The following VGLL4 variants were observed in gnomAD, a reference collection of about 807,000 sequenced individuals.
The protein encoded by VGLL4 is vestigial like family member 4, also known as transcription cofactor vestigial-like protein 4.
In VGLL4, 7 loss-of-function variants were observed where a neutral mutation model predicts 21.0. The observed-to-expected ratio is 0.33, with a 90% CI of 0.19 to 0.63. VGLL4 has a LOEUF of 0.63. VGLL4 is among the 20% of genes least tolerant of loss of function. The probability of loss-of-function intolerance (pLI) is 0.78; values close to 1 mark genes in which losing one functional copy is unlikely to be tolerated. For missense variants in VGLL4, 394 were observed against 425.7 expected, an observed-to-expected ratio of 0.93 and a Z score of 0.66; for synonymous variants, 222 against 173.2, an observed-to-expected ratio of 1.28 and a Z score of -2.21.
At chr3:11,709,735 A>G (rs1450483427) in intron 1 of VGLL4, among the ~76,000 whole-genome samples, 21 of 152,170 alleles carry the variant, frequency 1.4e-4, no homozygotes, top group Admixed American at 1.4e-3. Context: ...TAAAGCTACA[A>G]AAACTTAGGG....
intron 1 of VGLL4, among the ~76,000 whole-genome samples, chr3:11,602,433 T>C (rs2074828723): frequency 6.6e-6 from 1 of 152,146 alleles, no homozygotes; most frequent in Non-Finnish European, 1.5e-5. Flanking sequence ...CAACTCACTT[T>C]TCCTGCTTGT....
chr3:11,607,434 A>G (rs1031353505), intron 1 of VGLL4: 16 of 152,052 alleles, frequency 1.1e-4, no homozygotes, highest in African/African-American at 3.9e-4. Context: ...AGAAGGGGGA[A>G]TGGGAGGTGA....
intron 1 of VGLL4, among the ~76,000 whole-genome samples, chr3:11,629,107 A>G (rs765084630): frequency 2.6e-5 from 4 of 152,244 alleles, no homozygotes; most frequent in Non-Finnish European, 5.9e-5. Context: ...CAATTTTCAC[A>G]ATACTGAATG....
chr3:11,560,350 AC>A (rs1252940700), intron 3 of VGLL4, among the ~76,000 whole-genome samples: 1 of 152,070 alleles, frequency 6.6e-6, no homozygotes, highest in East Asian at 1.9e-4. Flanking sequence ...ATCTTCCAAT[AC>A]CCCCGAGGAC....
intron 2 of VGLL4, among the ~76,000 whole-genome samples, chr3:11,660,215 G>A (rs1345863242): frequency 1.3e-5 from 2 of 152,136 alleles, no homozygotes; most frequent in African/African-American, 2.4e-5. Flanking sequence ...CTAGAAGCAG[G>A]TTCTGATCTT....
intron 2 of VGLL4, among the ~76,000 whole-genome samples, chr3:11,656,853 A>G: frequency 6.6e-6 from 1 of 152,156 alleles, no homozygotes; most frequent in East Asian, 1.9e-4. Flanking sequence ...AGCAACAACG[A>G]AGCACGGCCC....
chr3:11,629,797 G>T (rs1341537213), intron 1 of VGLL4, among the ~76,000 whole-genome samples: 1 of 149,762 alleles, frequency 6.7e-6, no homozygotes, highest in Non-Finnish European at 1.5e-5. Context: ...GGAGTAGAAA[G>T]GGCATTCCAA....
chr3:11,708,585 G>A (rs1400369688), intron 1 of VGLL4, among the ~76,000 whole-genome samples: 5 of 152,012 alleles, frequency 3.3e-5, no homozygotes, highest in African/African-American at 1.2e-4. Context: ...GAAAAGTCCT[G>A]GAATGGCCCG....
intron 2 of VGLL4, among the ~76,000 whole-genome samples, chr3:11,702,162 G>A (rs1034780563): frequency 1.3e-5 from 2 of 151,738 alleles, no homozygotes; most frequent in Non-Finnish European, 2.9e-5. Flanking sequence ...CCCATCTCTA[G>A]CTCTCTGCTG....
upstream of VGLL4, among the ~76,000 whole-genome samples, chr3:11,644,719 G>A (rs1224037006): frequency 4.6e-5 from 7 of 151,750 alleles, no homozygotes; most frequent in African/African-American, 9.7e-5. Context: ...GGTAGCGCAC[G>A]CCTGTAGTCC....
At chr3:11,621,060 T>TGA (rs1169724576) in intron 1 of VGLL4, among the ~76,000 whole-genome samples, 1 of 152,218 alleles carries the variant, frequency 6.6e-6, no homozygotes. Flanking sequence ...GCTAATACTT[T>TGA]GCACAATATT....
At chr3:11,643,413 G>A (rs983904668) in intron 1 of VGLL4, 24 bp downstream of exon 1, 6 of 1,613,994 alleles carry the variant, frequency 3.7e-6, no homozygotes, top group Non-Finnish European at 5.1e-6. Flanking sequence ...GCAACGGGCA[G>A]TAATTCTACA....
chr3:11,672,975 G>A (rs1341981540), intron 2 of VGLL4, among the ~76,000 whole-genome samples: 1 of 152,120 alleles, frequency 6.6e-6, no homozygotes, highest in Admixed American at 6.6e-5. Context: ...CAGACTTCAG[G>A]GAGCTCTAGA....
At chr3:11,673,188 A>C (rs2125370473) in intron 2 of VGLL4, among the ~76,000 whole-genome samples, 1 of 152,334 alleles carries the variant, frequency 6.6e-6, no homozygotes, top group Admixed American at 6.5e-5. Context: ...GAAGATAGAG[A>C]CCAAGTTAAA....
intron 2 of VGLL4, among the ~76,000 whole-genome samples, chr3:11,590,025 G>A (rs1575423131): frequency 6.6e-6 from 1 of 152,316 alleles, no homozygotes; most frequent in African/African-American, 2.4e-5. Context: ...GTGTTTCTGC[G>A]CATAAGACTT....
chr3:11,665,335 G>C (rs2076104666), intron 2 of VGLL4, among the ~76,000 whole-genome samples: 1 of 151,850 alleles, frequency 6.6e-6, no homozygotes, highest in Non-Finnish European at 1.5e-5. Flanking sequence ...GGATGGTCTC[G>C]ATCTCCTGAC....
chr3:11,672,808 G>C (rs907113729), intron 2 of VGLL4, among the ~76,000 whole-genome samples: 16 of 152,196 alleles, frequency 1.1e-4, no homozygotes, highest in African/African-American at 3.9e-4. Context: ...ACAGAAGGCA[G>C]AGACAGCCAA....
intron 2 of VGLL4, among the ~76,000 whole-genome samples, chr3:11,572,220 T>C (rs542224812): frequency 7.6e-4 from 116 of 152,366 alleles, no homozygotes; most frequent in African/African-American, 2.7e-3. Flanking sequence ...CTCATCTTAG[T>C]AAATTCACTG....
At chr3:11,672,400 A>C in intron 2 of VGLL4, among the ~76,000 whole-genome samples, 1 of 152,096 alleles carries the variant, frequency 6.6e-6, no homozygotes, top group East Asian at 1.9e-4. Flanking sequence ...CCTGTTGCAA[A>C]TTCTACTATT....
Sources: gnomAD v4.1 joint callset for allele counts (sites outside exome capture counted in the v4.1 genomes callset) on GRCh38, gnomAD v4.1.1 for gene constraint, MANE v1.5 for transcripts, NCBI Gene and HGNC (gene_info 2026-07-23, HGNC 2026-07-21) for gene names.